FBN2: variants seen among roughly 807,000 people sequenced by gnomAD.
The protein encoded by FBN2 is fibrillin-2.
FBN2 carries 105 observed loss-of-function variants against 355.6 expected under a neutral mutation model. The ratio of observed to expected loss-of-function variants is 0.30; its 90% CI spans 0.25 to 0.35. The LOEUF (loss-of-function observed/expected upper bound fraction) is 0.35. Ranked by LOEUF, FBN2 falls within the 10% of genes least tolerant of loss-of-function variation. The probability of loss-of-function intolerance (pLI) is 1.00; values close to 1 mark genes in which losing one functional copy is unlikely to be tolerated. For synonymous variants in FBN2, 1,350 were observed against 1,301.2 expected (o/e 1.04, Z -0.81); for missense variants, 3,280 against 3,758.7 (o/e 0.87, Z 3.33).
chr5:128,323,088 G>C (rs185949161), intron 34 of FBN2, among the ~76,000 whole-genome samples: 19 of 152,294 alleles, frequency 1.2e-4, no homozygotes, highest in African/African-American at 4.3e-4. Context: ...AGGAATGCTT[G>C]TGATTTTTGC....
intron 2 of FBN2, among the ~76,000 whole-genome samples, chr5:128,536,095 C>T (rs979670456): frequency 2.0e-5 from 3 of 152,148 alleles, no homozygotes; most frequent in African/African-American, 7.2e-5. Context: ...TTTGAGTTAT[C>T]TAGATAATTG....
At chr5:128,532,068 A>G (rs980247057) in intron 2 of FBN2, among the ~76,000 whole-genome samples, 1 of 152,170 alleles carries the variant, frequency 6.6e-6, no homozygotes, top group African/African-American at 2.4e-5. Flanking sequence ...AGACAACATG[A>G]AATTGGCTGA....
chr5:128,290,646 T>C (rs1749295511), intron 50 of FBN2, 86 bp downstream of exon 50: 12 of 1,336,274 alleles, frequency 9.0e-6, no homozygotes, highest in Middle Eastern at 1.8e-4. Flanking sequence ...TCTCAAAATA[T>C]TCTTAAATTA....
chr5:128,289,757 T>C (rs991096666), intron 51 of FBN2, 125 bp downstream of exon 51: 13 of 663,706 alleles, frequency 2.0e-5, no homozygotes, highest in African/African-American at 5.5e-5. Flanking sequence ...ATAAGGGTTA[T>C]ATACATCCAT....
intron 5 of FBN2, among the ~76,000 whole-genome samples, chr5:128,472,506 G>A (rs768253572): frequency 6.6e-6 from 1 of 152,024 alleles, no homozygotes; most frequent in East Asian, 1.9e-4. Context: ...AAATGATTAC[G>A]ACAGGCTGGG....
At chr5:128,366,259 T>A in intron 17 of FBN2, 118 bp downstream of exon 17, 2 of 520,092 alleles carry the variant, frequency 3.8e-6, no homozygotes, top group Non-Finnish European at 6.8e-6. Flanking sequence ...AGATAATTAA[T>A]CTTATTATTT....
intron 56 of FBN2, among the ~76,000 whole-genome samples, chr5:128,279,963 G>T (rs1378438818): frequency 7.2e-5 from 11 of 152,046 alleles, no homozygotes; most frequent in African/African-American, 2.7e-4. Flanking sequence ...CTTAATTTTG[G>T]AAAGACTATT....
In FBN2 at chr5:128,318,913, A is replaced by G; in HGVS notation, c.4560T>C (p.Gly1520=). 11 of 1,613,462 alleles carry G rather than the reference A, an allele frequency of 6.8e-6. No homozygotes were observed. Among genetic ancestry groups the G allele is most frequent in the Non-Finnish European group, 9.3e-6 (11 of 1,179,542 alleles). ...PGMFHCICDD[G]YELDRTGGNC... is the part of the protein sequence containing the mutation. ...TCCCTCCTGTTCTGTCCAATTCATAACCATCATCGCAGATGCAATGAAACA... is the reference window on the plus strand; with the variant it reads ...TCCCTCCTGTTCTGTCCAATTCATAGCCATCATCGCAGATGCAATGAAACA... Residue 1520 remains glycine, a synonymous_variant, in exon 35 of 65, where the codon GGT becomes GGC. Transcript: ENST00000262464.
chr5:128,402,918 T>A lies in FBN2; in HGVS notation c.1078+5756A>T, dbSNP rs992400612. Among the ~76,000 whole-genome samples the A allele has an allele frequency of 3.3e-5, 5 of 152,234 alleles. No individual in the cohort carries two copies. In the South Asian group the frequency reaches 8.3e-4, roughly 25 times the overall value. On this transcript the variant is annotated intron_variant, in intron 8 of 64. Transcript: ENST00000262464. The stretch of plus-strand genomic sequence containing the variant: ...AGCAATGAAAAGGAACCACTGTGGA[T>A]CCCAGGTTTATTTCTTCCTTTAAAA...
At chr5:128,326,838 G>A (rs1750563087) in intron 34 of FBN2, among the ~76,000 whole-genome samples, 1 of 152,142 alleles carries the variant, frequency 6.6e-6, no homozygotes, top group Non-Finnish European at 1.5e-5. Context: ...TGACATATGA[G>A]AAAACTAGAT....
At chr5:128,290,952 T>C (rs1749305928) in intron 49 of FBN2, 68 bp from the exon 50 acceptor site, 3 of 1,469,678 alleles carry the variant, frequency 2.0e-6, no homozygotes, top group Admixed American at 3.4e-5. Context: ...ACATTTCTCA[T>C]TGTAGAACAC....
chr5:128,493,952 C>T (rs1755580315), intron 5 of FBN2, among the ~76,000 whole-genome samples: 1 of 152,066 alleles, frequency 6.6e-6, no homozygotes, highest in South Asian at 2.1e-4. Flanking sequence ...AGAGAGAAAA[C>T]CAGGGGATGA....
At chr5:128,275,943 G>A in intron 59 of FBN2, 95 bp downstream of exon 59, 8 of 1,374,590 alleles carry the variant, frequency 5.8e-6, no homozygotes, top group South Asian at 4.7e-5. Context: ...TTTAATGAAG[G>A]TGATGCACAT....
chr5:128,425,759 A>G (rs895924276), intron 7 of FBN2, among the ~76,000 whole-genome samples: 2 of 152,218 alleles, frequency 1.3e-5, no homozygotes, highest in Non-Finnish European at 2.9e-5. Flanking sequence ...TTCACACTTA[A>G]TATCATAAAA....
intron 6 of FBN2, among the ~76,000 whole-genome samples, chr5:128,447,147 T>G (rs1176367109): frequency 6.6e-6 from 1 of 152,202 alleles, no homozygotes; most frequent in Non-Finnish European, 1.5e-5. Context: ...GATGATTGCG[T>G]TAACGGCACA....
chr5:128,400,915 G>A (rs1752783401), intron 8 of FBN2, among the ~76,000 whole-genome samples: 1 of 152,102 alleles, frequency 6.6e-6, no homozygotes, highest in South Asian at 2.1e-4. Flanking sequence ...AATAATGGGG[G>A]CCGGTCTTTC....
intron 15 of FBN2, among the ~76,000 whole-genome samples, chr5:128,372,459 A>C (rs1284357672): frequency 6.6e-6 from 1 of 152,146 alleles, no homozygotes; most frequent in African/African-American, 2.4e-5. Context: ...TAAAATGCTT[A>C]TCCTAATAGT....
At chr5:128,265,995 G>A (rs1311661947) in intron 62 of FBN2, among the ~76,000 whole-genome samples, 1 of 152,226 alleles carries the variant, frequency 6.6e-6, no homozygotes, top group African/African-American at 2.4e-5. Context: ...AATGGCTGAA[G>A]ATATTCACAC....
rs371820614 is a variant in FBN2 at position 128,300,870 on chromosome 5, G to T, written c.6113C>A (p.Ser2038Tyr). Residue 2038 changes from serine (S) to tyrosine (Y), a missense_variant, in exon 48 of 65, where the codon TCC becomes TAC. Coordinates refer to ENST00000262464, the MANE Select transcript of FBN2 (RefSeq NM_001999.4). ...SPGTCQNLEG[S>Y]FRCICPPGYE... is the part of the protein sequence containing the mutation. ...CCCTGGGGGACAGATGCATCTGAAG[G>T]ATCCCTCCAAATTCTGACAGGTACC... 2.3e-5 allele frequency: 37 copies of T among 1,613,676 alleles called. No individual in the cohort carries two copies. Among genetic ancestry groups the T allele is most frequent in the African/African-American group, 5.3e-5 (4 of 74,890 alleles).
Sources: allele counts gnomAD v4.1 joint callset (sites outside exome capture counted in the v4.1 genomes callset), GRCh38; gene constraint gnomAD v4.1.1; transcripts MANE v1.5; gene names NCBI Gene and HGNC (gene_info 2026-07-23, HGNC 2026-07-21).